Variants in ENTREP2 observed in about 807,000 individuals in gnomAD.
The protein encoded by ENTREP2 is endosomal transmembrane epsin interactor 2, also known as protein ENTREP2.
the ENTREP2 span, among the ~76,000 whole-genome samples, chr15:29,393,761 T>C: frequency 6.6e-6 from 1 of 152,060 alleles, no homozygotes; most frequent in African/African-American, 2.4e-5. Flanking sequence ...AATTAACAAA[T>C]GTTATAAGTT....
chr15:29,300,580 G>C, the ENTREP2 span, among the ~76,000 whole-genome samples: 6 of 152,132 alleles, frequency 3.9e-5, no homozygotes, highest in African/African-American at 1.4e-4. Flanking sequence ...ATTATGAGAA[G>C]GAAGCGAGGT....
the ENTREP2 span, among the ~76,000 whole-genome samples, chr15:29,674,710 G>C: frequency 1.3e-5 from 2 of 150,988 alleles, no homozygotes; most frequent in African/African-American, 2.4e-5. Flanking sequence ...ATGCCGGGGG[G>C]GCGGAGGGAA....
chr15:29,644,813 T>TAA, the ENTREP2 span, among the ~76,000 whole-genome samples: 5,412 of 61,112 alleles, frequency 0.089, 123 homozygotes, highest in Admixed American at 0.11. Flanking sequence ...TCCATCTCCA[T>TAA]AAAAAAAAAA....
chr15:29,557,828 G>A, the ENTREP2 span, among the ~76,000 whole-genome samples: 1 of 152,096 alleles, frequency 6.6e-6, no homozygotes, highest in Non-Finnish European at 1.5e-5. Flanking sequence ...CCCCTCACTG[G>A]GAACTCTCAG....
the ENTREP2 span, among the ~76,000 whole-genome samples, chr15:29,521,448 G>A: frequency 0.015 from 2,219 of 152,302 alleles, 56 homozygotes; most frequent in African/African-American, 0.051. Flanking sequence ...TGCATATGTG[G>A]TTTTTCTAAA....
At chr15:29,395,495 G>C in the ENTREP2 span, among the ~76,000 whole-genome samples, 1 of 151,418 alleles carries the variant, frequency 6.6e-6, no homozygotes, top group Non-Finnish European at 1.5e-5. Context: ...CTGATGGGTA[G>C]GAAGTGGTAG....
At chr15:29,617,155 T>G in the ENTREP2 span, among the ~76,000 whole-genome samples, 2 of 152,150 alleles carry the variant, frequency 1.3e-5, no homozygotes, top group Non-Finnish European at 2.9e-5. Flanking sequence ...CGGCAGGCTG[T>G]CTGCAGGCTG....
At chr15:29,293,884 A>G in the ENTREP2 span, among the ~76,000 whole-genome samples, 1 of 152,208 alleles carries the variant, frequency 6.6e-6, no homozygotes. Context: ...CATGCCCAAG[A>G]CAGTGCCTTC....
chr15:29,320,808 C>T, the ENTREP2 span, among the ~76,000 whole-genome samples: 29 of 151,832 alleles, frequency 1.9e-4, no homozygotes, highest in East Asian at 5.4e-3. Flanking sequence ...GAAGATAGGT[C>T]AACACAAATG....
chr15:29,343,023 G>A, the ENTREP2 span, among the ~76,000 whole-genome samples: 3 of 61,388 alleles, frequency 4.9e-5, 1 homozygote, highest in Admixed American at 1.5e-4. Context: ...CTGGTAAAAA[G>A]GAATGGGGGG....
chr15:29,651,758 C>A, the ENTREP2 span, among the ~76,000 whole-genome samples: 1 of 152,254 alleles, frequency 6.6e-6, no homozygotes, highest in African/African-American at 2.4e-5. Flanking sequence ...ACCGCCTCAG[C>A]CCCCTACAGG....
At chr15:29,229,621 T>C in the ENTREP2 span, among the ~76,000 whole-genome samples, 1 of 152,210 alleles carries the variant, frequency 6.6e-6, no homozygotes. Flanking sequence ...GGAGTTGGTA[T>C]CATTGCTTCA....
chr15:29,222,649 G>T, the ENTREP2 span, among the ~76,000 whole-genome samples: 18 of 152,030 alleles, frequency 1.2e-4, no homozygotes, highest in African/African-American at 4.4e-4. Context: ...TCATGCTCAG[G>T]AGAATGTGCT....
chr15:29,333,036 C>G, the ENTREP2 span, among the ~76,000 whole-genome samples: 4 of 150,842 alleles, frequency 2.7e-5, no homozygotes, highest in Non-Finnish European at 5.9e-5. Flanking sequence ...AATTAGAGCA[C>G]ATGGGGCTAG....
the ENTREP2 span, among the ~76,000 whole-genome samples, chr15:29,437,323 A>C: frequency 6.6e-6 from 1 of 152,358 alleles, no homozygotes; most frequent in East Asian, 1.9e-4. Context: ...GCAACTAGCT[A>C]TAAAATGTAA....
the ENTREP2 span, among the ~76,000 whole-genome samples, chr15:29,659,920 T>C: frequency 6.6e-5 from 10 of 152,176 alleles, no homozygotes; most frequent in Admixed American, 2.6e-4. Context: ...TGCCTCGGCC[T>C]CCCGAGTAGC....
the ENTREP2 span, among the ~76,000 whole-genome samples, chr15:29,472,870 A>G: frequency 6.6e-6 from 1 of 152,246 alleles, no homozygotes; most frequent in Non-Finnish European, 1.5e-5. Flanking sequence ...TTTAGGTTTA[A>G]GCATACAAGT....
chr15:29,625,268 C>A, the ENTREP2 span, among the ~76,000 whole-genome samples: 1 of 152,106 alleles, frequency 6.6e-6, no homozygotes, highest in Non-Finnish European at 1.5e-5. Flanking sequence ...AACTCTTCAC[C>A]CTTTGAAGGA....
At chr15:29,346,313 C>T in the ENTREP2 span, among the ~76,000 whole-genome samples, 5 of 152,284 alleles carry the variant, frequency 3.3e-5, no homozygotes, top group South Asian at 2.1e-4. Flanking sequence ...TGCCACTCAC[C>T]GGCCGGGGAC....
Sources: allele counts gnomAD v4.1 joint callset (sites outside exome capture counted in the v4.1 genomes callset), GRCh38; gene constraint gnomAD v4.1.1; transcripts MANE v1.5; gene names NCBI Gene and HGNC (gene_info 2026-07-23, HGNC 2026-07-21).